The following GSN variants were observed in gnomAD, a reference collection of about 807,000 sequenced individuals.
GSN encodes gelsolin, also known as actin-depolymerizing factor.
Under a neutral mutation model 85.7 loss-of-function variants are expected in GSN, and 56 were observed. The observed-to-expected ratio is 0.65, with a 90% CI of 0.53 to 0.82. GSN has a LOEUF of 0.82. GSN is among the 40% of genes least tolerant of loss of function. The probability of loss-of-function intolerance (pLI) is 0.00; values close to 1 mark genes in which losing one functional copy is unlikely to be tolerated. For missense variants in GSN, 857 were observed against 979.8 expected (o/e 0.87, Z 1.67); for synonymous variants, 373 against 399.1 (o/e 0.93, Z 0.78).
chr9:121,325,625 A>G (rs1353051357), intron 12 of GSN, among the ~76,000 whole-genome samples: 1 of 152,118 alleles, frequency 6.6e-6, no homozygotes, highest in East Asian at 1.9e-4. Flanking sequence ...ATATAGGGGA[A>G]GCGGACAACA....
intron 3 of GSN, 120 bp from the exon 4 acceptor site, chr9:121,302,791 G>C (rs1588964160): frequency 2.1e-6 from 2 of 957,054 alleles, no homozygotes; most frequent in Non-Finnish European, 1.7e-6. Flanking sequence ...GAAGGCAAGG[G>C]CTTTCTCAGC....
At chr9:121,202,306 G>A in the GSN span, among the ~76,000 whole-genome samples, 3 of 152,340 alleles carry the variant, frequency 2.0e-5, no homozygotes, top group South Asian at 6.2e-4. Context: ...CATTCAACGT[G>A]TATTTATGGG....
intron 5 of GSN, among the ~76,000 whole-genome samples, chr9:121,233,706 A>G (rs2132163530): frequency 6.6e-6 from 1 of 152,308 alleles, no homozygotes; most frequent in Non-Finnish European, 1.5e-5. Context: ...TTACTATTTA[A>G]AGCCACAAAG....
chr9:121,266,422 C>A (rs915018174), upstream of GSN, among the ~76,000 whole-genome samples: 3 of 152,242 alleles, frequency 2.0e-5, no homozygotes, highest in Admixed American at 2.0e-4. Flanking sequence ...TGTGTTTTTG[C>A]TTTTCTCCCC....
In GSN at chr9:121,299,278, G is replaced by A. The variant is rs139214746; in HGVS notation, c.-9-2685G>A. ...CCGGCTTCACCTGCCCACGGGAGCC[G>A]GGTCCCCTGCCCTGCTGCGGCGCAT... On this transcript the variant is annotated intron_variant, in intron 2 of 17. Coordinates refer to ENST00000432226, the MANE Select transcript of GSN (RefSeq NM_198252.3). This position sits in a 1 kb window ranked among gnomAD's most constrained non-coding sequence, Gnocchi z 4.2. 4 of 985,118 alleles carry A rather than the reference G, an allele frequency of 4.1e-6. No individual in the cohort carries two copies. The highest frequency in any genetic ancestry group is 1.7e-5 in the African/African-American group (1 of 57,242). 61.0% of individuals were successfully genotyped at this position (985,118 alleles called of 1,614,324 possible). A position where few individuals can be genotyped will look rare whatever the true frequency, so the allele number is the denominator to read the frequency against.
chr9:121,232,138 C>T (rs1335653660), intron 5 of GSN, among the ~76,000 whole-genome samples: 1 of 152,108 alleles, frequency 6.6e-6, no homozygotes, highest in Non-Finnish European at 1.5e-5. Context: ...TGGGAGAGAC[C>T]AGAAGATTTG....
At chr9:121,307,506 C>T (rs549302792) in intron 4 of GSN, among the ~76,000 whole-genome samples, 1 of 152,132 alleles carries the variant, frequency 6.6e-6, no homozygotes, top group Non-Finnish European at 1.5e-5. Context: ...GAAGCTGGGT[C>T]CCTGGAAGGG....
chr9:121,304,973 T>G (rs1490725581), intron 4 of GSN, among the ~76,000 whole-genome samples: 1 of 152,158 alleles, frequency 6.6e-6, no homozygotes, highest in Admixed American at 6.5e-5. Context: ...AGTGCTCAGC[T>G]CTGAGAGGGG....
At chr9:121,202,035 C>G in the GSN span, among the ~76,000 whole-genome samples, 1 of 152,188 alleles carries the variant, frequency 6.6e-6, no homozygotes, top group Non-Finnish European at 1.5e-5. Context: ...CTTGTCGCGC[C>G]GCCGCTGAGG....
At chr9:121,234,549 C>G (rs1415106619) in intron 5 of GSN, among the ~76,000 whole-genome samples, 2 of 152,188 alleles carry the variant, frequency 1.3e-5, no homozygotes, top group Non-Finnish European at 2.9e-5. Context: ...CCTTAAGTCA[C>G]TGCCACTTTT....
intron 4 of GSN, among the ~76,000 whole-genome samples, chr9:121,230,789 T>G (rs1414353526): frequency 6.6e-6 from 1 of 152,210 alleles, no homozygotes; most frequent in Non-Finnish European, 1.5e-5. Context: ...CTATTATTAT[T>G]ATTAAAATCT....
At position 121,281,681 on chromosome 9, in the gene GSN, G is replaced by A. The variant is rs527279741; in HGVS notation, c.-10+119G>A. On this transcript the variant is annotated intron_variant, in intron 2 of 17. Transcript: ENST00000432226. ...GCTGTAGCCACAGTGGATTCAGTGG[G>A]AGTCCCTGAGGTCTTCCTAATAAGG... 1.6e-4 allele frequency: 74 copies of A among 471,240 alleles called. 1 individual carries two copies. Among genetic ancestry groups the A allele is most frequent in the South Asian group, 1.1e-3 (73 of 64,574 alleles). 29.2% of individuals were successfully genotyped at this position (471,240 alleles called of 1,614,324 possible).
At chr9:121,301,359 G>A (rs1290410661) in intron 2 of GSN, among the ~76,000 whole-genome samples, 4 of 152,164 alleles carry the variant, frequency 2.6e-5, no homozygotes, top group Admixed American at 2.6e-4. Context: ...GGGCGCGGTG[G>A]CTCACGCCTG....
chr9:121,313,923 A>C lies in GSN; in HGVS notation c.664-11A>C, dbSNP rs1037948709. ...AGCCACCCTTCCTCTCCATCTCTCT[A>C]TCTCCTACAGGTGCTGGGCCCCAAG... is the stretch of plus-strand genomic sequence containing the variant. On this transcript the variant is annotated splice_polypyrimidine_tract_variant and intron_variant, in intron 6 of 17. Coordinates refer to ENST00000432226, the MANE Select transcript of GSN (RefSeq NM_198252.3). The C allele has an allele frequency of 1.9e-6, 3 of 1,607,308 alleles. No individual in the cohort carries two copies. Among genetic ancestry groups the C allele is most frequent in the Non-Finnish European group, 2.6e-6 (3 of 1,173,766 alleles).
chr9:121,279,422 C>T (rs1163748446), intron 1 of GSN, among the ~76,000 whole-genome samples: 1 of 151,970 alleles, frequency 6.6e-6, no homozygotes, highest in African/African-American at 2.4e-5. Flanking sequence ...GAAGGTTCTG[C>T]AGTCATGCAG....
intron 5 of GSN, among the ~76,000 whole-genome samples, chr9:121,242,668 C>T (rs1218746541): frequency 6.6e-6 from 1 of 152,198 alleles, no homozygotes; most frequent in Non-Finnish European, 1.5e-5. Flanking sequence ...CATTCCTTGA[C>T]AGCGCAGCTC....
chr9:121,300,088 T>G, intron 2 of GSN: 1 of 1,609,576 alleles, frequency 6.2e-7, no homozygotes, highest in Non-Finnish European at 8.5e-7. Flanking sequence ...AAAAGGGGAG[T>G]AATTCAGGTC....
At chr9:121,312,555 A>C in intron 6 of GSN, 67 bp downstream of exon 6, 3 of 1,192,754 alleles carry the variant, frequency 2.5e-6, no homozygotes, top group Non-Finnish European at 2.3e-6. Flanking sequence ...TCTGTTCAGT[A>C]GGCAATTTGA....
At chr9:121,228,106 A>G (rs1042143187) in intron 4 of GSN, among the ~76,000 whole-genome samples, 8 of 151,986 alleles carry the variant, frequency 5.3e-5, no homozygotes, top group Non-Finnish European at 1.2e-4. Flanking sequence ...TCCTTTGCCA[A>G]GGCTCACTTT....
Sources: gnomAD v4.1 joint callset for allele counts (sites outside exome capture counted in the v4.1 genomes callset) on GRCh38, gnomAD v4.1.1 for gene constraint, Gnocchi (gnomAD v3.1) non-coding constraint, MANE v1.5 for transcripts, NCBI Gene and HGNC (gene_info 2026-07-23, HGNC 2026-07-21) for gene names.